Variants in BOLA1 observed in about 807,000 individuals in gnomAD.
BOLA1 encodes bolA family member 1.
Under a neutral mutation model 6.6 loss-of-function variants are expected in BOLA1, and 6 were observed. The observed-to-expected ratio is 0.92, with a 90% CI of 0.50 to 1.81. The LOEUF (loss-of-function observed/expected upper bound fraction) is 1.81. BOLA1 is among the 40% of genes most tolerant of loss of function. The probability of loss-of-function intolerance (pLI) is 0.01; values close to 1 mark genes in which losing one functional copy is unlikely to be tolerated. For missense variants in BOLA1, 183 were observed against 186.8 expected, an observed-to-expected ratio of 0.98 and a Z score of 0.12; for synonymous variants, 87 against 85.6, an observed-to-expected ratio of 1.02 and a Z score of -0.09.
intron 1 of BOLA1, 66 bp downstream of exon 1, chr1:149,899,738 G>A: frequency 2.9e-6 from 1 of 348,236 alleles, no homozygotes; most frequent in Non-Finnish European, 5.3e-6. Flanking sequence ...CAAGTACGCA[G>A]TTGCACATGC....
In BOLA1 at chr1:149,900,427, G is replaced by T. The variant is rs1553761750; in HGVS notation, c.368G>T (p.Ser123Ile). Residue 123 changes from serine to isoleucine, a missense_variant, in exon 2 of 2, where the codon AGC becomes ATC. Coordinates refer to ENST00000369152, the MANE Select transcript of BOLA1 (RefSeq NM_016074.5). ...QWRENSQLDT[S>I]PPCLGGNKKT... ...AGAGAGAACTCTCAGCTGGACACTAGCCCCCCATGCCTGGGTGGGAACAAG... is the reference window on the plus strand; with the variant it reads ...AGAGAGAACTCTCAGCTGGACACTATCCCCCCATGCCTGGGTGGGAACAAG... 3.8e-6 allele frequency: 6 copies of T among 1,594,734 alleles called. No individual in the cohort carries two copies. The highest frequency in any genetic ancestry group is 1.3e-5 in the African/African-American group (1 of 74,568).
chr1:149,899,633 G>T lies in BOLA1; in HGVS notation c.-90G>T, dbSNP rs112428001. 33 of 172,360 alleles carry T rather than the reference G, an allele frequency of 1.9e-4. No individual in the cohort carries two copies. The highest frequency in any genetic ancestry group is 9.3e-4 in the South Asian group (6 of 6,436). 10.7% of individuals were successfully genotyped at this position (172,360 alleles called of 1,614,324 possible). On this transcript the variant is annotated 5_prime_UTR_variant, in exon 1 of 2. Coordinates refer to ENST00000369152, the MANE Select transcript of BOLA1 (RefSeq NM_016074.5). ...TTGCTCCGGAGCGTCCAGAGTCCTGGCCCTGAGCGGGAATCGCAGTGGCCG... is the reference window on the plus strand; with the variant it reads ...TTGCTCCGGAGCGTCCAGAGTCCTGTCCCTGAGCGGGAATCGCAGTGGCCG...
At position 149,900,318 on chromosome 1, in the gene BOLA1, C is replaced by A; in HGVS notation, c.259C>A (p.Arg87=). The part of the protein sequence containing the change: ...FEGLSPLQRH[R]LVHAALAEEL... ...GGGACTGAGCCCCCTACAACGACAC[C>A]GGCTGGTCCACGCAGCGCTGGCCGA... The change falls in exon 2 of 2, where the codon CGG becomes AGG. Residue 87 remains arginine (R), a synonymous_variant. Coordinates refer to ENST00000369152, the MANE Select transcript of BOLA1 (RefSeq NM_016074.5). The A allele has an allele frequency of 6.2e-7, 1 of 1,613,448 alleles. No homozygotes were observed. Among genetic ancestry groups the A allele is most frequent in the Admixed American group, 1.7e-5 (1 of 60,022 alleles).
rs2092381965 is a variant in BOLA1 at position 149,899,999 on chromosome 1, G to T, written c.-50-11G>T. On this transcript the variant is annotated splice_polypyrimidine_tract_variant and intron_variant, in intron 1 of 1. Transcript: ENST00000369152. ...ATCGCGGGGCGGGTGTTGACATTGT[G>T]CTCTCACCAGGCGGATCGCCCCGAC... 1.3e-6 allele frequency: 2 copies of T among 1,515,374 alleles called. No individual in the cohort carries two copies. Among genetic ancestry groups the T allele is most frequent in the Non-Finnish European group, 1.8e-6 (2 of 1,132,346 alleles). The allele number at this position is 1,515,374 out of a possible 1,614,324, so 93.9% of individuals were successfully genotyped here. A position where few individuals can be genotyped will look rare whatever the true frequency, so the allele number is the denominator to read the frequency against.
chr1:149,900,176 G>C lies in BOLA1; in HGVS notation c.117G>C (p.Lys39Asn). 6.2e-7 allele frequency: 1 copy of C among 1,613,820 alleles called. No individual in the cohort carries two copies. The highest frequency in any genetic ancestry group is 8.5e-7 in the Non-Finnish European group (1 of 1,179,856). ...IGPVEAAIRT[K>N]LEEALSPEVL... is the part of the protein sequence containing the mutation. ...CGGTGGAGGCCGCCATTCGCACGAA[G>C]TTGGAGGAGGCCCTGAGCCCCGAGG... is the stretch of plus-strand genomic sequence containing the variant. Residue 39 changes from lysine (K) to asparagine (N), a missense_variant, in exon 2 of 2, where the codon AAG (lysine) becomes AAC (asparagine). Transcript: ENST00000369152.
At position 149,900,528 on chromosome 1, in the gene BOLA1, G is replaced by A. The variant is rs1234283475; in HGVS notation, c.*55G>A. On this transcript the variant is annotated 3_prime_UTR_variant, in exon 2 of 2. Transcript: ENST00000369152. Reference sequence around the variant, plus strand: ...ATGGGCTGGGTGAGCACGAATTACCGAGGCCTTCCCTTTGATACAGTCCAG... The same window carrying A: ...ATGGGCTGGGTGAGCACGAATTACCAAGGCCTTCCCTTTGATACAGTCCAG... The A allele has an allele frequency of 6.6e-6, 10 of 1,508,798 alleles. No individual in the cohort carries two copies. The East Asian group carries it at 1.6e-4, about 24-fold the overall frequency. The allele number at this position is 1,508,798 out of a possible 1,614,324, so 93.5% of individuals were successfully genotyped here.
At position 149,900,221 on chromosome 1, in the gene BOLA1, G is replaced by A; in HGVS notation, c.162G>A (p.Glu54=). Residue 54 remains glutamate, a synonymous_variant, in exon 2 of 2, where the codon GAG becomes GAA. Coordinates refer to ENST00000369152, the MANE Select transcript of BOLA1 (RefSeq NM_016074.5). ...CCGAGGTGCTAGAGCTTCGCAACGA[G>A]AGCGGTGGCCACGCGGTCCCGCCTG... is the stretch of plus-strand genomic sequence containing the variant. ...LSPEVLELRN[E]SGGHAVPPGS... 1 of 1,613,458 alleles carries A rather than the reference G, an allele frequency of 6.2e-7. No individual in the cohort carries two copies. Among genetic ancestry groups the A allele is most frequent in the Non-Finnish European group, 8.5e-7 (1 of 1,179,570 alleles).
intron 1 of BOLA1, 140 bp from the exon 2 acceptor site, chr1:149,899,870 A>G: frequency 1.7e-6 from 1 of 587,490 alleles, no homozygotes; most frequent in Non-Finnish European, 2.8e-6. Flanking sequence ...CACGTCACGT[A>G]GAGAAAAGGG....
intron 1 of BOLA1, 150 bp downstream of exon 1, chr1:149,899,822 C>A: frequency 2.0e-6 from 1 of 510,662 alleles, no homozygotes; most frequent in Non-Finnish European, 3.4e-6. Flanking sequence ...CTAATCTTCG[C>A]TTGTCCCTTC....
At position 149,900,344 on chromosome 1, in the gene BOLA1, G is replaced by A; in HGVS notation, c.285G>A (p.Glu95=). The A allele has an allele frequency of 2.5e-6, 4 of 1,613,354 alleles. No homozygotes were observed. The highest frequency in any genetic ancestry group is 3.4e-6 in the Non-Finnish European group (4 of 1,179,980). The change falls in exon 2 of 2, where the codon GAG becomes GAA. Residue 95 remains glutamate, a synonymous_variant. Coordinates refer to ENST00000369152, the MANE Select transcript of BOLA1 (RefSeq NM_016074.5). ...GGCTGGTCCACGCAGCGCTGGCCGAGGAGCTGGGAGGTCCGGTCCATGCGC... is the reference window on the plus strand; with the variant it reads ...GGCTGGTCCACGCAGCGCTGGCCGAAGAGCTGGGAGGTCCGGTCCATGCGC... ...RHRLVHAALA[E]ELGGPVHALA...
rs782374768 is a variant in BOLA1 at position 149,900,437 on chromosome 1, C to T, written c.378C>T (p.Cys126=). ...ENSQLDTSPP[C]LGGNKKTLGT... ...CTCAGCTGGACACTAGCCCCCCATG[C>T]CTGGGTGGGAACAAGAAAACTCTAG... The change falls in exon 2 of 2, where the codon TGC becomes TGT. Residue 126 remains cysteine (C), a synonymous_variant. Coordinates refer to ENST00000369152, the MANE Select transcript of BOLA1 (RefSeq NM_016074.5). 3 of 1,590,204 alleles carry T rather than the reference C, an allele frequency of 1.9e-6. No individual in the cohort carries two copies. In the South Asian group the frequency reaches 3.3e-5, roughly 18 times the overall value.
At position 149,900,193 on chromosome 1, in the gene BOLA1, GC is replaced by G; in HGVS notation, c.138del (p.Glu47ArgfsTer3). ...AIRTKLEEAL[S>X]PEVLELRNES... ...CGCACGAAGTTGGAGGAGGCCCTGA[GC>G]CCCGAGGTGCTAGAGCTTCGCAACG... On this transcript the variant is annotated frameshift_variant, in exon 2 of 2. Transcript: ENST00000369152. LOFTEE classifies it high-confidence loss of function. The G allele has an allele frequency of 6.2e-7, 1 of 1,613,826 alleles. No individual in the cohort carries two copies. The highest frequency in any genetic ancestry group is 8.5e-7 in the Non-Finnish European group (1 of 1,179,836).
At position 149,900,663 on chromosome 1, in the gene BOLA1, T is replaced by A. The variant is rs2092389286; in HGVS notation, c.*190T>A. On this transcript the variant is annotated 3_prime_UTR_variant, in exon 2 of 2. Transcript: ENST00000369152. ...AAGTGAACCCGAGAAAAGAGAAGAA[T>A]CACTCACTACTGCTCTTGCCCTGGA... 1.7e-6 allele frequency: 1 copy of A among 604,388 alleles called. No homozygotes were observed. The highest frequency in any genetic ancestry group is 2.8e-6 in the Non-Finnish European group (1 of 353,518). 37.4% of individuals were successfully genotyped at this position (604,388 alleles called of 1,614,324 possible). A position where few individuals can be genotyped will look rare whatever the true frequency, so the allele number is the denominator to read the frequency against.
At position 149,900,108 on chromosome 1, in the gene BOLA1, G is replaced by C. The variant is rs1312225705; in HGVS notation, c.49G>C (p.Val17Leu). ...VLGLVSMAGR[V>L]CLCQGSAGSG... ...GGGTCTGGTCTCCATGGCTGGCCGC[G>C]TTTGTTTGTGCCAGGGCAGCGCGGG... Residue 17 changes from valine (V) to leucine (L), a missense_variant, in exon 2 of 2, where the codon GTT (valine) becomes CTT (leucine). Transcript: ENST00000369152. 4 of 1,610,294 alleles carry C rather than the reference G, an allele frequency of 2.5e-6. No individual in the cohort carries two copies. Among genetic ancestry groups the C allele is most frequent in the African/African-American group, 1.3e-5 (1 of 74,896 alleles).
In BOLA1 at chr1:149,900,595, G is replaced by T; in HGVS notation, c.*122G>T. 7 of 1,108,268 alleles carry T rather than the reference G, an allele frequency of 6.3e-6. No homozygotes were observed. In the South Asian group the frequency reaches 1.2e-4, roughly 19 times the overall value. The allele number at this position is 1,108,268 out of a possible 1,614,324, so 68.7% of individuals were successfully genotyped here. ...AGACCCCTGGGCCCCATTCTGTTGGGGTCCATACATACTCTCCGAAGATAG... is the reference window on the plus strand; with the variant it reads ...AGACCCCTGGGCCCCATTCTGTTGGTGTCCATACATACTCTCCGAAGATAG... On this transcript the variant is annotated 3_prime_UTR_variant, in exon 2 of 2. Transcript: ENST00000369152.
In BOLA1 at chr1:149,900,428, C is replaced by G; in HGVS notation, c.369C>G (p.Ser123Arg). The G allele has an allele frequency of 6.3e-7, 1 of 1,594,250 alleles. No individual in the cohort carries two copies. Among genetic ancestry groups the G allele is most frequent in the Non-Finnish European group, 8.6e-7 (1 of 1,166,134 alleles). The change falls in exon 2 of 2, where the codon AGC becomes AGG. Residue 123 changes from serine to arginine, a missense_variant. Coordinates refer to ENST00000369152, the MANE Select transcript of BOLA1 (RefSeq NM_016074.5). ...GAGAGAACTCTCAGCTGGACACTAGCCCCCCATGCCTGGGTGGGAACAAGA... is the reference window on the plus strand; with the variant it reads ...GAGAGAACTCTCAGCTGGACACTAGGCCCCCATGCCTGGGTGGGAACAAGA... Reference protein sequence around the residue: ...QWRENSQLDTSPPCLGGNKKT... With the variant: ...QWRENSQLDTRPPCLGGNKKT...
chr1:149,900,040 C>T lies in BOLA1; in HGVS notation c.-20C>T. 1.9e-6 allele frequency: 3 copies of T among 1,559,258 alleles called. No individual in the cohort carries two copies. The highest frequency in any genetic ancestry group is 1.7e-6 in the Non-Finnish European group (2 of 1,148,498). ...TCGCCCCGACCCTCACTCCTGGCGTCTGAGTCTCTGGCGTAGCCCATGCTG... is the reference window on the plus strand; with the variant it reads ...TCGCCCCGACCCTCACTCCTGGCGTTTGAGTCTCTGGCGTAGCCCATGCTG... On this transcript the variant is annotated 5_prime_UTR_variant, in exon 2 of 2. Transcript: ENST00000369152.
In BOLA1 at chr1:149,900,607, C is replaced by G; in HGVS notation, c.*134C>G. The G allele has an allele frequency of 1.0e-6, 1 of 952,810 alleles. No individual in the cohort carries two copies. Among genetic ancestry groups the G allele is most frequent in the Non-Finnish European group, 1.5e-6 (1 of 659,780 alleles). The allele number at this position is 952,810 out of a possible 1,614,324, so 59.0% of individuals were successfully genotyped here. ...CCCATTCTGTTGGGGTCCATACATA[C>G]TCTCCGAAGATAGCAACTTGCTTCA... On this transcript the variant is annotated 3_prime_UTR_variant, in exon 2 of 2. Transcript: ENST00000369152.
chr1:149,900,201 G>A lies in BOLA1; in HGVS notation c.142G>A (p.Val48Met). ...TKLEEALSPE[V>M]LELRNESGGH... The stretch of plus-strand genomic sequence containing the variant: ...GTTGGAGGAGGCCCTGAGCCCCGAG[G>A]TGCTAGAGCTTCGCAACGAGAGCGG... The change falls in exon 2 of 2, where the codon GTG becomes ATG. Residue 48 changes from valine to methionine, a missense_variant. Val to Met is a conservative substitution (Grantham distance 21, BLOSUM62 1). Transcript: ENST00000369152. The A allele has an allele frequency of 6.2e-7, 1 of 1,613,756 alleles. No individual in the cohort carries two copies. The highest frequency in any genetic ancestry group is 8.5e-7 in the Non-Finnish European group (1 of 1,179,764).
Sources: allele counts gnomAD v4.1 joint callset, GRCh38; gene constraint gnomAD v4.1.1; transcripts MANE v1.5; gene names NCBI Gene and HGNC (gene_info 2026-07-23, HGNC 2026-07-21).